Variants in ZBTB20 observed in about 807,000 individuals in gnomAD.
ZBTB20 encodes zinc finger and BTB domain-containing protein 20.
ZBTB20 carries 9 observed loss-of-function variants against 56.9 expected under a neutral mutation model. That is an observed-to-expected ratio of 0.16 (90% CI 0.10 to 0.28). The LOEUF (loss-of-function observed/expected upper bound fraction) is 0.28, where lower values mean the gene tolerates loss of function less well. ZBTB20 is among the 10% of genes least tolerant of loss of function. The probability of loss-of-function intolerance (pLI) is 1.00; values close to 1 mark genes in which losing one functional copy is unlikely to be tolerated. For synonymous variants in ZBTB20, 417 were observed against 420.7 expected (o/e 0.99, Z 0.11); for missense variants, 655 against 1,003.0 (o/e 0.65, Z 4.69).
chr3:115,088,211 A>T (rs1201399894), intron 1 of ZBTB20, among the ~76,000 whole-genome samples: 9 of 151,894 alleles, frequency 5.9e-5, no homozygotes, highest in Non-Finnish European at 1.3e-4. Context: ...TCATGTTTTA[A>T]TTTCTACATC....
At chr3:114,914,179 T>G (rs1242923147) in intron 3 of ZBTB20, among the ~76,000 whole-genome samples, 1 of 152,116 alleles carries the variant, frequency 6.6e-6, no homozygotes, top group Non-Finnish European at 1.5e-5. Context: ...TATGGGCATT[T>G]TAACAATGTT....
At chr3:114,841,393 T>TCTC (rs1457693989) in intron 4 of ZBTB20, among the ~76,000 whole-genome samples, 1 of 152,088 alleles carries the variant, frequency 6.6e-6, no homozygotes, top group African/African-American at 2.4e-5. Flanking sequence ...TTAGTATGAC[T>TCTC]AGAGCATAGA....
chr3:114,901,203 G>A (rs182042825), intron 3 of ZBTB20, among the ~76,000 whole-genome samples: 1 of 151,640 alleles, frequency 6.6e-6, no homozygotes, highest in East Asian at 1.9e-4. Context: ...TCAGGAGTTC[G>A]AGACTAGCCC....
At chr3:114,722,389 C>A (rs1482837547) in intron 5 of ZBTB20, among the ~76,000 whole-genome samples, 2 of 152,134 alleles carry the variant, frequency 1.3e-5, no homozygotes, top group Non-Finnish European at 2.9e-5. Context: ...TCTGCAACCC[C>A]TTTCTCTTTG....
At chr3:114,417,832 C>T (rs1466894678) in intron 7 of ZBTB20, among the ~76,000 whole-genome samples, 1 of 152,030 alleles carries the variant, frequency 6.6e-6, no homozygotes, top group Non-Finnish European at 1.5e-5. Flanking sequence ...CTTCTACCCT[C>T]CCCTTCAGAT....
At chr3:114,734,073 C>A (rs1303580333) in intron 5 of ZBTB20, among the ~76,000 whole-genome samples, 1 of 151,944 alleles carries the variant, frequency 6.6e-6, no homozygotes, top group Non-Finnish European at 1.5e-5. Flanking sequence ...TAGTTATTTC[C>A]TAAAAATTGT....
intron 6 of ZBTB20, among the ~76,000 whole-genome samples, chr3:114,588,524 A>G (rs2055414811): frequency 6.6e-6 from 1 of 152,140 alleles, no homozygotes; most frequent in Admixed American, 6.5e-5. Context: ...GAGTGGTTTT[A>G]GCTTATGTAA....
At chr3:114,844,602 T>A (rs1410364175) in intron 4 of ZBTB20, among the ~76,000 whole-genome samples, 1 of 135,698 alleles carries the variant, frequency 7.4e-6, no homozygotes, top group Non-Finnish European at 1.5e-5. Flanking sequence ...CTGGATAACA[T>A]GGTAAACATA....
intron 7 of ZBTB20, among the ~76,000 whole-genome samples, chr3:114,409,599 C>T (rs1179914167): frequency 2.0e-5 from 3 of 152,036 alleles, no homozygotes; most frequent in African/African-American, 4.8e-5. Context: ...TGATATAGCA[C>T]ATTTTAGGCT....
At chr3:114,345,432 C>G (rs2080111085) in intron 11 of ZBTB20, among the ~76,000 whole-genome samples, 1 of 152,188 alleles carries the variant, frequency 6.6e-6, no homozygotes, top group Non-Finnish European at 1.5e-5. Flanking sequence ...GAAGACTCAA[C>G]TTACCTCATA....
At chr3:114,524,256 T>C (rs1270508212) in intron 6 of ZBTB20, among the ~76,000 whole-genome samples, 1 of 152,094 alleles carries the variant, frequency 6.6e-6, no homozygotes, top group Admixed American at 6.5e-5. Flanking sequence ...TAGGCTGTGG[T>C]TGGAAAATGG....
At chr3:114,934,380 C>T (rs979016327) in intron 3 of ZBTB20, among the ~76,000 whole-genome samples, 9 of 152,152 alleles carry the variant, frequency 5.9e-5, no homozygotes, top group South Asian at 2.1e-4. Context: ...TTTCTGAAAT[C>T]GCTCATTCCT....
At chr3:114,728,843 T>C (rs2065502858) in intron 5 of ZBTB20, among the ~76,000 whole-genome samples, 2 of 152,218 alleles carry the variant, frequency 1.3e-5, no homozygotes, top group Admixed American at 1.3e-4. Flanking sequence ...TCAGTGATGT[T>C]GAGCTTTTTC....
intron 5 of ZBTB20, among the ~76,000 whole-genome samples, chr3:114,779,029 T>A (rs1362057632): frequency 6.6e-6 from 1 of 152,172 alleles, no homozygotes; most frequent in Non-Finnish European, 1.5e-5. Context: ...GGAATCTCAA[T>A]GTGTTGTCTT....
chr3:115,067,152 G>C (rs533183802), intron 2 of ZBTB20, among the ~76,000 whole-genome samples: 1 of 152,086 alleles, frequency 6.6e-6, no homozygotes, highest in South Asian at 2.1e-4. Flanking sequence ...CATACCACCA[G>C]ACTGCACACT....
rs71633347 is a variant in ZBTB20, at chr3:114,329,737, A to AG, written c.*9267_*9268insC. On this transcript the variant is annotated 3_prime_UTR_variant, in exon 12 of 12. Coordinates refer to ENST00000675478, the MANE Select transcript of ZBTB20 (RefSeq NM_001348800.3). ...AAAAAAAAAAAAAAAAAAAAAAAAA[A>AG]CAACTCCCAGGAAAATGAACACTAT... 6.1e-5 allele frequency: 8 copies of AG among 132,060 alleles called. No individual in the cohort carries two copies. The highest frequency in any genetic ancestry group is 2.3e-4 in the Admixed American group (3 of 12,970). The allele number at this position is 132,060 out of a possible 1,614,324, so 8.2% of individuals were successfully genotyped here. A position where few individuals can be genotyped will look rare whatever the true frequency, so the allele number is the denominator to read the frequency against.
At chr3:114,977,941 G>A (rs948140749) in intron 2 of ZBTB20, among the ~76,000 whole-genome samples, 2 of 148,876 alleles carry the variant, frequency 1.3e-5, no homozygotes, top group Non-Finnish European at 3.0e-5. Flanking sequence ...GCCTGGAGAG[G>A]TCAAGGCTAC....
rs111281491 is a variant in ZBTB20, at chr3:114,448,947, G to GTA, written c.-255+51403_-255+51404dup. 5.4e-3 allele frequency among the ~76,000 whole-genome samples: 820 copies of GTA among 152,152 alleles called. 21 individuals carry two copies. Among genetic ancestry groups the GTA allele is most frequent in the Admixed American group, 0.027 (417 of 15,254 alleles). Reference sequence around the variant, plus strand: ...TTCATGTTTCCCTGTGGGTGTGAATGTATATATATACCTGCCCAGGTATTA... The same window carrying GTA: ...TTCATGTTTCCCTGTGGGTGTGAATGTATATATATATACCTGCCCAGGTATTA... On this transcript the variant is annotated intron_variant, in intron 7 of 11. Coordinates refer to ENST00000675478, the MANE Select transcript of ZBTB20 (RefSeq NM_001348800.3).
chr3:114,511,699 T>C (rs1287629977), intron 6 of ZBTB20, among the ~76,000 whole-genome samples: 1 of 152,082 alleles, frequency 6.6e-6, no homozygotes, highest in East Asian at 1.9e-4. Flanking sequence ...TCCTACACTT[T>C]AGAACTGGAG....
Sources: allele counts gnomAD v4.1 joint callset (sites outside exome capture counted in the v4.1 genomes callset), GRCh38; gene constraint gnomAD v4.1.1; transcripts MANE v1.5; gene names NCBI Gene and HGNC (gene_info 2026-07-23, HGNC 2026-07-21).